The following EVC2 variants were observed in gnomAD, a reference collection of about 807,000 sequenced individuals.
EVC2 encodes limbin.
Under a neutral mutation model 149.3 loss-of-function variants are expected in EVC2, and 148 were observed. The ratio of observed to expected loss-of-function variants is 0.99; its 90% confidence interval spans 0.87 to 1.14. The LOEUF is 1.14. Ranked by LOEUF, EVC2 falls within the 50% of genes most tolerant of loss-of-function variation. The probability of loss-of-function intolerance (pLI) is 0.00; values close to 1 mark genes in which losing one functional copy is unlikely to be tolerated. For missense variants in EVC2, 1,854 were observed against 1,627.3 expected (o/e 1.14, Z -2.40); for synonymous variants, 776 against 649.9 (o/e 1.19, Z -2.95).
At position 5,689,169 on chromosome 4, in the gene EVC2, T is replaced by C. The variant is rs201780057; in HGVS notation, c.694A>G (p.Lys232Glu). Residue 232 changes from lysine to glutamate, a missense_variant, in exon 5 of 22, where the codon AAG becomes GAG. Coordinates refer to ENST00000344408, the MANE Select transcript of EVC2 (RefSeq NM_147127.5). ...TSEGFQAFSK[K>E]FLQVGDAFAV... ...GCTTTGCTGTTACCTTGCAGAAACTTCTTGCTAAAAGCCTGGAATCCTTCC... is the reference window on the plus strand; with the variant it reads ...GCTTTGCTGTTACCTTGCAGAAACTCCTTGCTAAAAGCCTGGAATCCTTCC... 2 of 1,614,200 alleles carry C rather than the reference T, an allele frequency of 1.2e-6. No homozygotes were observed. The highest frequency in any genetic ancestry group is 3.3e-5 in the Admixed American group (2 of 60,030).
At chr4:5,551,325 C>T (rs1475118587) in intron 21 of EVC2, among the ~76,000 whole-genome samples, 2 of 152,192 alleles carry the variant, frequency 1.3e-5, no homozygotes, top group Non-Finnish European at 2.9e-5. Flanking sequence ...GGGGAACTCA[C>T]CTCTTGCAAC....
chr4:5,565,274 G>C lies in EVC2; in HGVS notation c.3643C>G (p.Arg1215Gly), dbSNP rs763433901. 1.9e-6 allele frequency: 3 copies of C among 1,613,828 alleles called. No individual in the cohort carries two copies. In the South Asian group the frequency reaches 3.3e-5, roughly 18 times the overall value. ...SRGLEKMLWA[R>G]KRKQSILKKT... ...CATCATTACCTCTGCTTTCTCTTGCGGGCCCACAGCATCTTTTCTAATCCT... is the reference window on the plus strand; with the variant it reads ...CATCATTACCTCTGCTTTCTCTTGCCGGCCCACAGCATCTTTTCTAATCCT... Residue 1215 changes from arginine to glycine, a missense_variant, in exon 21 of 22, where the codon CGC (arginine) becomes GGC (glycine). Arg to Gly is a moderately radical substitution (Grantham distance 125). Coordinates refer to ENST00000344408, the MANE Select transcript of EVC2 (RefSeq NM_147127.5).
chr4:5,705,637 C>G (rs1722083772), intron 1 of EVC2, among the ~76,000 whole-genome samples: 1 of 152,058 alleles, frequency 6.6e-6, no homozygotes, highest in Admixed American at 6.6e-5. Flanking sequence ...CAAACCTCAT[C>G]TATGTCTGAG....
rs1717240789 is a variant in EVC2, at chr4:5,640,480, G to A, written c.1470+34C>T. 2 of 1,612,402 alleles carry A rather than the reference G, an allele frequency of 1.2e-6. No individual in the cohort carries two copies. Among genetic ancestry groups the A allele is most frequent in the African/African-American group, 1.3e-5 (1 of 74,844 alleles). On this transcript the variant is annotated intron_variant, in intron 10 of 21. Coordinates refer to ENST00000344408, the MANE Select transcript of EVC2 (RefSeq NM_147127.5). This position sits in a 1 kb window ranked among gnomAD's most constrained non-coding sequence, Gnocchi z 4.6. The stretch of plus-strand genomic sequence containing the variant: ...TAAATGACAAATCCCTGAGAGAAAG[G>A]GAAGTGAACGCCTTCCTTTCAGACC...
In EVC2 at chr4:5,631,888, T is replaced by C. The variant is rs1431483449; in HGVS notation, c.1615A>G (p.Ser539Gly). Reference protein sequence around the residue: ...LAVFQRNELHSIFFTQIKSAI... With the variant: ...LAVFQRNELHGIFFTQIKSAI... Reference sequence around the variant, plus strand: ...CTTTTTATCTGGGTAAAAAAGATACTGTGCAGTTCATTTCTCTGGAAAACA... The same window carrying C: ...CTTTTTATCTGGGTAAAAAAGATACCGTGCAGTTCATTTCTCTGGAAAACA... The change falls in exon 11 of 22, where the codon AGT (serine) becomes GGT (glycine). Residue 539 changes from serine to glycine, a missense_variant. Transcript: ENST00000344408. 3.1e-6 allele frequency: 5 copies of C among 1,614,128 alleles called. No individual in the cohort carries two copies. In the Admixed American group the frequency reaches 6.7e-5, roughly 22 times the overall value.
chr4:5,701,250 T>G (rs1333665388), intron 1 of EVC2, among the ~76,000 whole-genome samples: 1 of 152,202 alleles, frequency 6.6e-6, no homozygotes, highest in Non-Finnish European at 1.5e-5. Flanking sequence ...CGGACCCTGA[T>G]TATTACACTG....
chr4:5,562,697 T>G lies in EVC2; in HGVS notation c.*151A>C. ...ATTCATGAGACAAGATTAAACCGAG[T>G]CCCTGCAAGTTGGCATGCGCTACGG... On this transcript the variant is annotated 3_prime_UTR_variant, in exon 22 of 22. Coordinates refer to ENST00000344408, the MANE Select transcript of EVC2 (RefSeq NM_147127.5). This position sits in a 1 kb window ranked among gnomAD's most constrained non-coding sequence, Gnocchi z 4.3. 1 of 1,516,758 alleles carries G rather than the reference T, an allele frequency of 6.6e-7. No individual in the cohort carries two copies. The highest frequency in any genetic ancestry group is 8.8e-7 in the Non-Finnish European group (1 of 1,140,972). The allele number at this position is 1,516,758 out of a possible 1,614,324, so 94.0% of individuals were successfully genotyped here. A position where few individuals can be genotyped will look rare whatever the true frequency, so the allele number is the denominator to read the frequency against.
Position 5,670,442 on chromosome 4 carries a change from A to T in EVC2, c.871-4793T>A, listed in dbSNP as rs1719570290. ...ATCACCATCAACACCATTATGATCAATATCAGCAGGATCACCATCAAATTC... is the reference window on the plus strand; with the variant it reads ...ATCACCATCAACACCATTATGATCATTATCAGCAGGATCACCATCAAATTC... On this transcript the variant is annotated intron_variant, in intron 7 of 21. Coordinates refer to ENST00000344408, the MANE Select transcript of EVC2 (RefSeq NM_147127.5). This position sits in a 1 kb window ranked among gnomAD's most constrained non-coding sequence, Gnocchi z 5.2. Among the ~76,000 whole-genome samples the T allele has an allele frequency of 6.6e-6, 1 of 151,096 alleles. No individual in the cohort carries two copies. Among genetic ancestry groups the T allele is most frequent in the South Asian group, 2.1e-4 (1 of 4,754 alleles).
rs1293246471 is a variant in EVC2 at position 5,618,913 on chromosome 4, G to T, written c.2502-231C>A. 6.6e-6 allele frequency among the ~76,000 whole-genome samples: 1 copy of T among 152,238 alleles called. No homozygotes were observed. The highest frequency in any genetic ancestry group is 2.4e-5 in the African/African-American group (1 of 41,460). The stretch of plus-strand genomic sequence containing the variant: ...AATGAGAGCTGAATGAGGCCAGGCT[G>T]TGAGGGTGCCTTTGAGGAGGCAACA... On this transcript the variant is annotated intron_variant, in intron 14 of 21. Transcript: ENST00000344408. This position sits in a 1 kb window ranked among gnomAD's most constrained non-coding sequence, Gnocchi z 4.4.
At chr4:5,701,950 T>C (rs1409716550) in intron 1 of EVC2, among the ~76,000 whole-genome samples, 4 of 151,772 alleles carry the variant, frequency 2.6e-5, no homozygotes, top group South Asian at 4.2e-4. Flanking sequence ...CCAGTCCAGC[T>C]CCCCTCCATA....
intron 9 of EVC2, among the ~76,000 whole-genome samples, chr4:5,658,550 A>C (rs1718678397): frequency 6.6e-6 from 1 of 152,242 alleles, no homozygotes; most frequent in South Asian, 2.1e-4. Context: ...TGTTGGTAGC[A>C]TCCAGAAAGA....
intron 7 of EVC2, among the ~76,000 whole-genome samples, chr4:5,675,200 T>G (rs576902791): frequency 1.8e-4 from 27 of 152,352 alleles, no homozygotes; most frequent in African/African-American, 6.3e-4. Flanking sequence ...TTTCCCCAAG[T>G]TTCTCACTTA....
At chr4:5,611,859 G>A (rs537233350) in intron 16 of EVC2, among the ~76,000 whole-genome samples, 2 of 152,310 alleles carry the variant, frequency 1.3e-5, no homozygotes, top group South Asian at 2.1e-4. Flanking sequence ...ACAGGCAGCT[G>A]TAACCTAAGC....
At chr4:5,615,311 G>A in intron 16 of EVC2, 111 bp downstream of exon 16, 1 of 1,552,870 alleles carries the variant, frequency 6.4e-7, no homozygotes, top group Non-Finnish European at 8.8e-7. Flanking sequence ...GCGGTTGGGT[G>A]GAGATGGATG....
intron 9 of EVC2, among the ~76,000 whole-genome samples, chr4:5,659,995 C>T (rs1447188475): frequency 1.3e-5 from 2 of 152,174 alleles, no homozygotes; most frequent in Non-Finnish European, 2.9e-5. Flanking sequence ...TGATAATTAG[C>T]TGCTCACATC....
chr4:5,694,231 G>A, intron 3 of EVC2, 104 bp downstream of exon 3: 1 of 1,197,142 alleles, frequency 8.4e-7, no homozygotes, highest in Non-Finnish European at 1.2e-6. Context: ...GGAGGAATAG[G>A]GTTTTTTTAA....
intron 17 of EVC2, among the ~76,000 whole-genome samples, chr4:5,584,116 T>G (rs1463322229): frequency 6.6e-6 from 1 of 152,078 alleles, no homozygotes; most frequent in Non-Finnish European, 1.5e-5. Flanking sequence ...ATGATAATAA[T>G]AGATAACAAA....
At chr4:5,585,694 C>T (rs895891090) in intron 16 of EVC2, among the ~76,000 whole-genome samples, 1 of 152,120 alleles carries the variant, frequency 6.6e-6, no homozygotes, top group Non-Finnish European at 1.5e-5. Context: ...AAACCATCGC[C>T]ACAACCAGGG....
At chr4:5,692,984 G>T (rs1721229345) in intron 3 of EVC2, among the ~76,000 whole-genome samples, 1 of 152,080 alleles carries the variant, frequency 6.6e-6, no homozygotes, top group African/African-American at 2.4e-5. Context: ...ATTCAGTTGA[G>T]CTTCCATCCA....
Sources: gnomAD v4.1 joint callset for allele counts (sites outside exome capture counted in the v4.1 genomes callset) on GRCh38, gnomAD v4.1.1 for gene constraint, Gnocchi (gnomAD v3.1) non-coding constraint, MANE v1.5 for transcripts, NCBI Gene and HGNC (gene_info 2026-07-23, HGNC 2026-07-21) for gene names.